Variants in UMAD1 observed in about 807,000 individuals in gnomAD.
The protein encoded by UMAD1 is UBAP1-MVB12-associated (UMA) domain containing 1.
A neutral mutation model predicts 6.1 loss-of-function variants in UMAD1; 8 were observed. That is an observed-to-expected ratio of 1.30 (90% CI 0.76 to 2.35). UMAD1 has a LOEUF of 2.35. Ranked by LOEUF, UMAD1 falls within the 30% of genes most tolerant of loss-of-function variation. The pLI, the probability that UMAD1 is intolerant of heterozygous loss-of-function variation, is 0.00. For missense variants in UMAD1, 130 were observed against 78.4 expected, an observed-to-expected ratio of 1.66 and a Z score of -2.49; for synonymous variants, 56 against 31.4, an observed-to-expected ratio of 1.78 and a Z score of -2.61.
At chr7:7,643,757 A>G (rs1265670035) in intron 1 of UMAD1, among the ~76,000 whole-genome samples, 3 of 146,736 alleles carry the variant, frequency 2.0e-5, no homozygotes, top group African/African-American at 7.5e-5. Flanking sequence ...ATCAACGGTT[A>G]AATCGGACAC....
intron 2 of UMAD1, among the ~76,000 whole-genome samples, chr7:7,756,382 T>C (rs1271177217): frequency 1.3e-5 from 2 of 152,216 alleles, no homozygotes; most frequent in Non-Finnish European, 2.9e-5. Flanking sequence ...ACAGAAAATC[T>C]AGCTTATCCT....
intron 3 of UMAD1, among the ~76,000 whole-genome samples, chr7:7,876,184 G>A (rs1034554725): frequency 1.3e-5 from 2 of 152,244 alleles, no homozygotes; most frequent in African/African-American, 4.8e-5. Flanking sequence ...TGGGAGAAGA[G>A]CGTCCTGGTC....
chr7:7,757,172 G>T (rs1426521753), intron 2 of UMAD1, among the ~76,000 whole-genome samples: 1 of 152,134 alleles, frequency 6.6e-6, no homozygotes, highest in East Asian at 1.9e-4. Flanking sequence ...ATTATATTAT[G>T]TATTCAAGGT....
intron 2 of UMAD1, among the ~76,000 whole-genome samples, chr7:7,749,009 G>C (rs1483688450): frequency 6.6e-6 from 1 of 152,030 alleles, no homozygotes; most frequent in Non-Finnish European, 1.5e-5. Flanking sequence ...TCTTCGCCCA[G>C]ATCAGTGTGA....
At chr7:7,667,478 C>CT (rs1779494117) in intron 1 of UMAD1, among the ~76,000 whole-genome samples, 1 of 152,126 alleles carries the variant, frequency 6.6e-6, no homozygotes, top group African/African-American at 2.4e-5. Context: ...CTTAATTCTG[C>CT]TAAGGATTGC....
At chr7:7,723,534 C>G (rs181295609) in intron 2 of UMAD1, among the ~76,000 whole-genome samples, 3 of 152,286 alleles carry the variant, frequency 2.0e-5, no homozygotes, top group Non-Finnish European at 4.4e-5. Flanking sequence ...GGATTAGTCA[C>G]TTTAGACCTA....
At chr7:7,875,859 T>C (rs1193312470) in intron 3 of UMAD1, among the ~76,000 whole-genome samples, 3 of 152,134 alleles carry the variant, frequency 2.0e-5, no homozygotes, top group Non-Finnish European at 4.4e-5. Context: ...GGCAGATCGC[T>C]TGAGTCCAGG....
intron 3 of UMAD1, among the ~76,000 whole-genome samples, chr7:7,868,085 G>A (rs1784265441): frequency 6.6e-6 from 1 of 152,174 alleles, no homozygotes; most frequent in South Asian, 2.1e-4. Context: ...AAGGGGAAAT[G>A]TGTGCTGAGA....
At chr7:7,641,266 T>C (rs1487806433) in intron 1 of UMAD1, 2 of 152,270 alleles carry the variant, frequency 1.3e-5, no homozygotes, top group African/African-American at 4.8e-5. Flanking sequence ...TTCACCCCGC[T>C]AACCCCTCCG....
intron 3 of UMAD1, among the ~76,000 whole-genome samples, chr7:7,836,790 G>T (rs952440796): frequency 6.6e-6 from 1 of 151,772 alleles, no homozygotes; most frequent in African/African-American, 2.4e-5. Context: ...CAGATCTGAA[G>T]GATTACTCAG....
chr7:7,849,249 G>A (rs928823476), intron 3 of UMAD1, among the ~76,000 whole-genome samples: 8 of 151,996 alleles, frequency 5.3e-5, no homozygotes, highest in East Asian at 1.9e-4. Flanking sequence ...TTTTCATTGC[G>A]TGCTGCTCCT....
chr7:7,748,893 A>G (rs1781626309), intron 2 of UMAD1, among the ~76,000 whole-genome samples: 2 of 152,036 alleles, frequency 1.3e-5, no homozygotes, highest in African/African-American at 4.8e-5. Flanking sequence ...CAGTAAATCT[A>G]AGAACTGCCA....
chr7:7,643,419 C>G (rs1418851542), intron 1 of UMAD1, among the ~76,000 whole-genome samples: 3 of 152,158 alleles, frequency 2.0e-5, no homozygotes, highest in Non-Finnish European at 4.4e-5. Context: ...TGTAAAAGTC[C>G]TAGGATCAGG....
intron 3 of UMAD1, among the ~76,000 whole-genome samples, chr7:7,828,059 G>A (rs1208577045): frequency 6.6e-6 from 1 of 151,982 alleles, no homozygotes; most frequent in Non-Finnish European, 1.5e-5. Context: ...AAAAAGTTGT[G>A]GAATGAAAGA....
intron 1 of UMAD1, among the ~76,000 whole-genome samples, chr7:7,645,020 A>G (rs551612864): frequency 1.3e-5 from 2 of 152,282 alleles, no homozygotes; most frequent in Admixed American, 1.3e-4. Context: ...TTTAGCTTAG[A>G]TTTATTCCTA....
chr7:7,851,566 T>C (rs952312907), intron 3 of UMAD1, among the ~76,000 whole-genome samples: 6 of 152,172 alleles, frequency 3.9e-5, no homozygotes, highest in Non-Finnish European at 8.8e-5. Flanking sequence ...CCAGAAGTTG[T>C]TATTATCTGA....
intron 3 of UMAD1, among the ~76,000 whole-genome samples, chr7:7,840,917 C>A (rs1252727575): frequency 6.6e-6 from 1 of 152,164 alleles, no homozygotes; most frequent in Non-Finnish European, 1.5e-5. Flanking sequence ...GCTTAGCAGT[C>A]TGCACTTGTC....
Position 7,678,440 on chromosome 7 carries a change from ATATT to A in UMAD1, c.82+4990_82+4993del, listed in dbSNP as rs948867016. Among the ~76,000 whole-genome samples the A allele has an allele frequency of 7.8e-3, 1,126 of 143,440 alleles. 16 individuals are homozygous for A. Among genetic ancestry groups the A allele is most frequent in the African/African-American group, 0.027 (1,062 of 39,540 alleles). 94.1% of individuals were successfully genotyped at this position (143,440 alleles called of 152,430 possible). On this transcript the variant is annotated intron_variant, in intron 2 of 3. Transcript: ENST00000682710. ...AATATATTTATATATTATTTAATAT[ATATT>A]TAATTTTATATAATAAATATATATT...
intron 2 of UMAD1, among the ~76,000 whole-genome samples, chr7:7,729,581 T>C (rs1395722732): frequency 4.6e-5 from 7 of 152,142 alleles, no homozygotes; most frequent in South Asian, 2.1e-4. Context: ...CCCATTGTTA[T>C]CCTCTACTCA....
Sources: gnomAD v4.1 joint callset for allele counts (sites outside exome capture counted in the v4.1 genomes callset) on GRCh38, gnomAD v4.1.1 for gene constraint, MANE v1.5 for transcripts, NCBI Gene and HGNC (gene_info 2026-07-23, HGNC 2026-07-21) for gene names.